Variants in EMC7 observed in about 807,000 individuals in gnomAD.
EMC7 encodes the protein ER membrane protein complex subunit 7.
EMC7 carries 4 observed loss-of-function variants against 24.4 expected under a neutral mutation model. That is an observed-to-expected ratio of 0.16 (90% CI 0.08 to 0.38). The LOEUF (loss-of-function observed/expected upper bound fraction) is 0.38, where lower values mean the gene tolerates loss of function less well. Ranked by LOEUF, EMC7 falls within the 10% of genes least tolerant of loss-of-function variation. The probability of loss-of-function intolerance (pLI) is 1.00; values close to 1 mark genes in which losing one functional copy is unlikely to be tolerated. For synonymous variants in EMC7, 106 were observed against 112.0 expected, an observed-to-expected ratio of 0.95 and a Z score of 0.34; for missense variants, 221 against 300.6, an observed-to-expected ratio of 0.74 and a Z score of 1.96.
rs143551689 is a variant in EMC7, at chr15:34,093,782, T to TACACAC, written c.356+2107_356+2112dup. 3.8e-3 allele frequency among the ~76,000 whole-genome samples: 89 copies of TACACAC among 23,346 alleles called. 2 individuals are homozygous for TACACAC. Among genetic ancestry groups the TACACAC allele is most frequent in the Non-Finnish European group, 4.1e-3 (44 of 10,856 alleles). The allele number at this position is 23,346 out of a possible 152,430, so 15.3% of individuals were successfully genotyped here. ...AACTTTACATATACACATATATGTA[T>TACACAC]ACACACACACACACACACACACACA... On this transcript the variant is annotated intron_variant, in intron 2 of 4. Transcript: ENST00000256545.
At chr15:34,089,438 TATA>T (rs1339326841) in intron 3 of EMC7, among the ~76,000 whole-genome samples, 2 of 152,314 alleles carry the variant, frequency 1.3e-5, no homozygotes, top group South Asian at 2.1e-4. Context: ...ATTAGGCACC[TATA>T]ATAATTAAAA....
At chr15:34,092,348 A>G (rs1900988351) in intron 2 of EMC7, among the ~76,000 whole-genome samples, 1 of 151,094 alleles carries the variant, frequency 6.6e-6, no homozygotes, top group South Asian at 2.1e-4. Flanking sequence ...TCACACCCCC[A>G]ATTATTTTTT....
intron 3 of EMC7, among the ~76,000 whole-genome samples, chr15:34,088,629 A>T (rs1900928633): frequency 6.6e-6 from 1 of 152,140 alleles, no homozygotes; most frequent in Non-Finnish European, 1.5e-5. Flanking sequence ...AGCACTAGAT[A>T]CACTTCCACG....
chr15:34,086,713 G>A lies in EMC7; in HGVS notation c.576+1340C>T, dbSNP rs1404109213. Among the ~76,000 whole-genome samples the A allele has an allele frequency of 4.6e-5, 7 of 152,232 alleles. No homozygotes were observed. The East Asian group carries it at 7.7e-4, about 17-fold the overall frequency. ...CAAAGTGCTGGGATTACAGGCCTGCGCCACCGCGCCCGGCCAGAATGAACT... is the reference window on the plus strand; with the variant it reads ...CAAAGTGCTGGGATTACAGGCCTGCACCACCGCGCCCGGCCAGAATGAACT... On this transcript the variant is annotated intron_variant, in intron 4 of 4. Transcript: ENST00000256545.
chr15:34,097,286 G>A (rs960799171), intron 1 of EMC7, among the ~76,000 whole-genome samples: 4 of 152,082 alleles, frequency 2.6e-5, no homozygotes, highest in African/African-American at 4.8e-5. Context: ...GCCCGCCTCG[G>A]CCTCCCAAAG....
chr15:34,099,762 C>A (rs1185592428), intron 1 of EMC7, among the ~76,000 whole-genome samples: 1 of 152,152 alleles, frequency 6.6e-6, no homozygotes, highest in African/African-American at 2.4e-5. Context: ...CACACCACCA[C>A]TCCTGGCTAA....
chr15:34,084,305 T>G lies in EMC7; in HGVS notation c.*29A>C. On this transcript the variant is annotated 3_prime_UTR_variant, in exon 5 of 5. Transcript: ENST00000256545. ...GGATGCCACCCAGTGTTGCCGTGTTTGTGCAAATGCCAGCTCTGGACGGCC... is the reference window on the plus strand; with the variant it reads ...GGATGCCACCCAGTGTTGCCGTGTTGGTGCAAATGCCAGCTCTGGACGGCC... 6.3e-7 allele frequency: 1 copy of G among 1,598,060 alleles called. No homozygotes were observed. The highest frequency in any genetic ancestry group is 1.1e-5 in the South Asian group (1 of 90,004).
intron 1 of EMC7, among the ~76,000 whole-genome samples, chr15:34,099,634 T>G: frequency 6.6e-6 from 1 of 152,304 alleles, no homozygotes; most frequent in East Asian, 1.9e-4. Flanking sequence ...GAGACGGGGT[T>G]TTGCTCTGTA....
chr15:34,096,040 C>T, intron 1 of EMC7, 26 bp from the exon 2 acceptor site: 3 of 1,510,456 alleles, frequency 2.0e-6, no homozygotes, highest in Non-Finnish European at 2.7e-6. Flanking sequence ...TCATGTTTAG[C>T]TACTACTGAT....
chr15:34,093,471 T>C (rs944191378), intron 2 of EMC7, among the ~76,000 whole-genome samples: 1 of 151,400 alleles, frequency 6.6e-6, no homozygotes, highest in South Asian at 2.1e-4. Context: ...GTTGAACCAT[T>C]GTAAGCTGGG....
intron 1 of EMC7, among the ~76,000 whole-genome samples, chr15:34,097,234 C>T (rs1334709187): frequency 1.3e-5 from 2 of 151,902 alleles, no homozygotes; most frequent in Non-Finnish European, 2.9e-5. Flanking sequence ...GGGGTTTCAC[C>T]GTGTTAGCCA....
chr15:34,098,778 C>T (rs2140872461), intron 1 of EMC7, among the ~76,000 whole-genome samples: 1 of 151,736 alleles, frequency 6.6e-6, no homozygotes, highest in Admixed American at 6.6e-5. Context: ...CCTGACTCAA[C>T]CAATTTCAAA....
chr15:34,093,805 A>ACACACACG lies in EMC7; in HGVS notation c.356+2089_356+2090insCGTGTGTG, dbSNP rs1318207786. Among the ~76,000 whole-genome samples, 11 of 8,590 alleles carry ACACACACG rather than the reference A, an allele frequency of 1.3e-3. 1 individual carries two copies. Among genetic ancestry groups the ACACACACG allele is most frequent in the African/African-American group, 2.1e-3 (11 of 5,262 alleles). The allele number at this position is 8,590 out of a possible 152,430, so 5.6% of individuals were successfully genotyped here. ...TATACACACACACACACACACACAC[A>ACACACACG]CATATATATATATATATATTTTTTT... On this transcript the variant is annotated intron_variant, in intron 2 of 4. Transcript: ENST00000256545.
chr15:34,096,057 C>A, intron 1 of EMC7, 43 bp from the exon 2 acceptor site: 1 of 1,453,784 alleles, frequency 6.9e-7, no homozygotes, highest in Non-Finnish European at 9.2e-7. Context: ...TGATCAACAG[C>A]TTAGTCTTTT....
chr15:34,091,303 A>G lies in EMC7; in HGVS notation c.357-848T>C, dbSNP rs536311904. ...ACAGTCTATATCTAATAATTCTACT[A>G]TTTAAAGTTCTTAGAGGTCTGATTT... On this transcript the variant is annotated intron_variant, in intron 2 of 4. Transcript: ENST00000256545. Among the ~76,000 whole-genome samples, 2 of 152,256 alleles carry G rather than the reference A, an allele frequency of 1.3e-5. 1 individual carries two copies. Among genetic ancestry groups the G allele is most frequent in the Admixed American group, 1.3e-4 (2 of 15,294 alleles).
Position 34,096,018 on chromosome 15 carries a change from G to A in EMC7, c.237-4C>T. The A allele has an allele frequency of 1.3e-6, 2 of 1,547,712 alleles. No individual in the cohort carries two copies. The highest frequency in any genetic ancestry group is 1.8e-6 in the Non-Finnish European group (2 of 1,135,736). On this transcript the variant is annotated splice_polypyrimidine_tract_variant and splice_region_variant and intron_variant, in intron 1 of 4. Transcript: ENST00000256545. ...AACCACAAAACTCCCATCTGTCCTG[G>A]AAAAATGAAAATCATGTTTAGCTAC...
intron 4 of EMC7, among the ~76,000 whole-genome samples, chr15:34,085,485 A>AT (rs963859759): frequency 3.3e-5 from 5 of 151,046 alleles, no homozygotes; most frequent in Non-Finnish European, 5.9e-5. Flanking sequence ...CATTTCTTTC[A>AT]TTTTTTTCTT....
At chr15:34,088,344 G>A (rs1900923629) in intron 3 of EMC7, among the ~76,000 whole-genome samples, 1 of 152,062 alleles carries the variant, frequency 6.6e-6, no homozygotes, top group Non-Finnish European at 1.5e-5. Flanking sequence ...GAATATTAAA[G>A]TTTTCTGTAT....
chr15:34,094,135 T>C (rs185940431), intron 2 of EMC7, among the ~76,000 whole-genome samples: 2 of 152,120 alleles, frequency 1.3e-5, no homozygotes, highest in East Asian at 1.9e-4. Context: ...ACAGGTGCAG[T>C]GGCTCACATC....
Sources: allele counts gnomAD v4.1 joint callset (sites outside exome capture counted in the v4.1 genomes callset), GRCh38; gene constraint gnomAD v4.1.1; transcripts MANE v1.5; gene names NCBI Gene and HGNC (gene_info 2026-07-23, HGNC 2026-07-21).